Variants in GRM3 observed in about 807,000 individuals in gnomAD.
GRM3 encodes the protein glutamate metabotropic receptor 3, also known as metabotropic glutamate receptor 3.
In GRM3, 26 loss-of-function variants were observed where a neutral mutation model predicts 70.5. The ratio of observed to expected loss-of-function variants is 0.37; its 90% CI spans 0.27 to 0.51. The LOEUF (loss-of-function observed/expected upper bound fraction) is 0.51. Among genes scored for constraint, GRM3 ranks in the 20% least tolerant of loss-of-function variants. The pLI, the probability that GRM3 is intolerant of heterozygous loss-of-function variation, is 0.93. For synonymous variants in GRM3, 443 were observed against 434.9 expected (o/e 1.02, Z -0.23); for missense variants, 859 against 1,123.8 (o/e 0.76, Z 3.37).
intron 1 of GRM3, among the ~76,000 whole-genome samples, chr7:86,647,252 G>C (rs1227650296): frequency 6.6e-6 from 1 of 152,030 alleles, no homozygotes; most frequent in East Asian, 1.9e-4. Context: ...CTATCTTTTT[G>C]CCAAATAAAA....
intron 3 of GRM3, among the ~76,000 whole-genome samples, chr7:86,824,416 T>C (rs1316542796): frequency 6.6e-6 from 1 of 152,252 alleles, no homozygotes; most frequent in Non-Finnish European, 1.5e-5. Flanking sequence ...CAATAGTTTA[T>C]TTGTGATGAC....
At chr7:86,830,850 G>T (rs1464462550) in intron 3 of GRM3, among the ~76,000 whole-genome samples, 1 of 152,152 alleles carries the variant, frequency 6.6e-6, no homozygotes, top group Non-Finnish European at 1.5e-5. Flanking sequence ...ATTAGGGTGG[G>T]CCCCAGTCCA....
At chr7:86,852,361 T>C (rs981346055) in intron 5 of GRM3, among the ~76,000 whole-genome samples, 1 of 152,154 alleles carries the variant, frequency 6.6e-6, no homozygotes, top group Non-Finnish European at 1.5e-5. Flanking sequence ...AATGGCAGAA[T>C]TTTCTAATGC....
At chr7:86,746,895 A>T (rs551218754) in intron 1 of GRM3, among the ~76,000 whole-genome samples, 104 of 152,180 alleles carry the variant, frequency 6.8e-4, no homozygotes, top group Admixed American at 1.2e-3. Flanking sequence ...TTGAAAGTCA[A>T]CTCTGATTTT....
chr7:86,681,876 A>G (rs778869534), intron 1 of GRM3, among the ~76,000 whole-genome samples: 12 of 152,198 alleles, frequency 7.9e-5, no homozygotes, highest in Non-Finnish European at 1.6e-4. Context: ...CCTGAGAAAA[A>G]AAGTTCTTGT....
rs570070465 is a variant in GRM3 at position 86,785,136 on chromosome 7, G to C, written c.469-1125G>C. Reference sequence around the variant, plus strand: ...AAGTACTAATATTCATGCCAATGTAGACAGAGCATACTGTAATAGTCAATG... The same window carrying C: ...AAGTACTAATATTCATGCCAATGTACACAGAGCATACTGTAATAGTCAATG... On this transcript the variant is annotated intron_variant, in intron 2 of 5. Coordinates refer to ENST00000361669, the MANE Select transcript of GRM3 (RefSeq NM_000840.3). Among the ~76,000 whole-genome samples the C allele has an allele frequency of 1.9e-4, 29 of 152,314 alleles. 1 individual carries two copies. The South Asian group carries it at 5.6e-3, about 29-fold the overall frequency.
chr7:86,786,482 C>G lies in GRM3; in HGVS notation c.690C>G (p.Phe230Leu), dbSNP rs1797249064. 3 of 1,614,238 alleles carry G rather than the reference C, an allele frequency of 1.9e-6. No homozygotes were observed. The highest frequency in any genetic ancestry group is 1.7e-6 in the Non-Finnish European group (2 of 1,180,050). Reference sequence around the variant, plus strand: ...ACGGGGAGACAGGGATCGAGGCCTTCGAGCAGGAAGCCCGCCTGCGCAACA... The same window carrying G: ...ACGGGGAGACAGGGATCGAGGCCTTGGAGCAGGAAGCCCGCCTGCGCAACA... Reference protein sequence around the residue: ...GDYGETGIEAFEQEARLRNIC... With the variant: ...GDYGETGIEALEQEARLRNIC... The change falls in exon 3 of 6, where the codon TTC (phenylalanine) becomes TTG (leucine). Residue 230 changes from phenylalanine (F) to leucine (L), a missense_variant. Phe to Leu is a conservative substitution (Grantham distance 22). Coordinates refer to ENST00000361669, the MANE Select transcript of GRM3 (RefSeq NM_000840.3). This position sits in a 1 kb window ranked among gnomAD's most constrained non-coding sequence, Gnocchi z 6.0.
chr7:86,722,265 G>A (rs558419387), intron 1 of GRM3, among the ~76,000 whole-genome samples: 3 of 152,100 alleles, frequency 2.0e-5, no homozygotes, highest in Non-Finnish European at 4.4e-5. Context: ...TATACCCAAA[G>A]GATTATAAAT....
intron 3 of GRM3, among the ~76,000 whole-genome samples, chr7:86,808,419 T>A (rs989035437): frequency 1.3e-5 from 2 of 151,972 alleles, no homozygotes; most frequent in Admixed American, 1.3e-4. Context: ...TTTACATAAG[T>A]CCCAGCCTTA....
chr7:86,796,531 C>G (rs1476947316), intron 3 of GRM3, among the ~76,000 whole-genome samples: 1 of 151,992 alleles, frequency 6.6e-6, no homozygotes, highest in African/African-American at 2.4e-5. Context: ...GCTTAGGACT[C>G]TCTTGGCTAT....
intron 5 of GRM3, among the ~76,000 whole-genome samples, chr7:86,863,114 C>A (rs568906005): frequency 4.2e-4 from 64 of 152,180 alleles, no homozygotes; most frequent in Middle Eastern, 3.4e-3. Context: ...TCTCTTTAAC[C>A]GATTCTCTCG....
At chr7:86,727,876 A>G (rs532191862) in intron 1 of GRM3, among the ~76,000 whole-genome samples, 1 of 152,298 alleles carries the variant, frequency 6.6e-6, no homozygotes, top group East Asian at 1.9e-4. Context: ...GTTTTCAATG[A>G]CAGCTTTCAT....
chr7:86,831,126 T>G (rs1798342827), intron 3 of GRM3, among the ~76,000 whole-genome samples: 1 of 152,140 alleles, frequency 6.6e-6, no homozygotes, highest in South Asian at 2.1e-4. Flanking sequence ...TTTGTGGTAC[T>G]TCGTTATGGC....
At chr7:86,824,885 A>G (rs982299013) in intron 3 of GRM3, among the ~76,000 whole-genome samples, 3 of 150,900 alleles carry the variant, frequency 2.0e-5, no homozygotes, top group African/African-American at 5.0e-5. Context: ...AACCAAGTCA[A>G]TTTTATCTAT....
At chr7:86,794,919 C>A (rs1243521556) in intron 3 of GRM3, among the ~76,000 whole-genome samples, 3 of 150,068 alleles carry the variant, frequency 2.0e-5, no homozygotes, top group African/African-American at 7.3e-5. Context: ...ACAGAGTTGA[C>A]CATAACTTAA....
chr7:86,772,578 A>G (rs1352961713), intron 2 of GRM3, among the ~76,000 whole-genome samples: 1 of 152,038 alleles, frequency 6.6e-6, no homozygotes, highest in Non-Finnish European at 1.5e-5. Flanking sequence ...ACACAACTAG[A>G]CAGTCAGGGC....
chr7:86,761,933 C>CAT (rs956001219), intron 1 of GRM3, among the ~76,000 whole-genome samples: 3 of 152,230 alleles, frequency 2.0e-5, no homozygotes, highest in African/African-American at 7.2e-5. Context: ...ATAAGGTAAT[C>CAT]TTTATTTGAG....
intron 1 of GRM3, among the ~76,000 whole-genome samples, chr7:86,652,086 C>T (rs1793620004): frequency 6.6e-6 from 1 of 152,116 alleles, no homozygotes; most frequent in Admixed American, 6.5e-5. Context: ...ACGACCTTGT[C>T]TAAGACAAGC....
At chr7:86,790,226 A>T (rs529292786) in intron 3 of GRM3, among the ~76,000 whole-genome samples, 1 of 146,378 alleles carries the variant, frequency 6.8e-6, no homozygotes, top group Non-Finnish European at 1.5e-5. Flanking sequence ...AATCATTCCT[A>T]TACTTCCCAA....
Sources: gnomAD v4.1 joint callset for allele counts (sites outside exome capture counted in the v4.1 genomes callset) on GRCh38, gnomAD v4.1.1 for gene constraint, Gnocchi (gnomAD v3.1) non-coding constraint, MANE v1.5 for transcripts, NCBI Gene and HGNC (gene_info 2026-07-23, HGNC 2026-07-21) for gene names.